The following ZNF639 variants were observed in gnomAD, a reference collection of about 807,000 sequenced individuals.
ZNF639 encodes the protein zinc finger protein 639.
In ZNF639, 20 loss-of-function variants were observed where a neutral mutation model predicts 39.8. The ratio of observed to expected loss-of-function variants is 0.50; its 90% CI spans 0.35 to 0.73. The LOEUF (loss-of-function observed/expected upper bound fraction) is 0.73, where lower values mean the gene tolerates loss of function less well. Ranked by LOEUF, ZNF639 falls within the 30% of genes least tolerant of loss-of-function variation. ZNF639 has a pLI of 0.00. For missense variants in ZNF639, 477 were observed against 566.2 expected, an observed-to-expected ratio of 0.84 and a Z score of 1.60; for synonymous variants, 176 against 189.8, an observed-to-expected ratio of 0.93 and a Z score of 0.60.
Position 179,333,453 on chromosome 3 carries a change from C to G in ZNF639, c.489C>G (p.Leu163=), listed in dbSNP as rs1576993104. 6.2e-7 allele frequency: 1 copy of G among 1,614,058 alleles called. No individual in the cohort carries two copies. Among genetic ancestry groups the G allele is most frequent in the Non-Finnish European group, 8.5e-7 (1 of 1,180,008 alleles). ...IETENNSSES[L]QDQTDEEPPA... ...CAGAAAACAATTCCTCTGAGAGTCT[C>G]CAAGACCAAACTGATGAAGAACCGC... The change falls in exon 6 of 6, where the codon CTC becomes CTG. Residue 163 remains leucine, a synonymous_variant. Transcript: ENST00000496856.
intron 1 of ZNF639, 56 bp downstream of exon 1, chr3:179,323,347 GGCGT>G (rs1727388163): frequency 1.0e-6 from 1 of 985,626 alleles, no homozygotes; most frequent in African/African-American, 1.7e-5. Context: ...AGGGGACGCG[GGCGT>G]GCGGGCGCAT....
At position 179,329,610 on chromosome 3, in the gene ZNF639, A is replaced by G. The variant is rs981178957; in HGVS notation, c.59-8A>G. Reference sequence around the variant, plus strand: ...CTGTACTTGAAATATTTTTCATTTTATGTTCAGATTCCTCTGGAATAAGCA... The same window carrying G: ...CTGTACTTGAAATATTTTTCATTTTGTGTTCAGATTCCTCTGGAATAAGCA... On this transcript the variant is annotated splice_region_variant and splice_polypyrimidine_tract_variant and intron_variant, in intron 3 of 5. Coordinates refer to ENST00000496856, the MANE Select transcript of ZNF639 (RefSeq NM_001303426.2). 1 of 1,532,796 alleles carries G rather than the reference A, an allele frequency of 6.5e-7. No homozygotes were observed. Among genetic ancestry groups the G allele is most frequent in the Non-Finnish European group, 9.0e-7 (1 of 1,114,074 alleles). 94.9% of individuals were successfully genotyped at this position (1,532,796 alleles called of 1,614,324 possible). A position where few individuals can be genotyped will look rare whatever the true frequency, so the allele number is the denominator to read the frequency against.
At position 179,335,605 on chromosome 3, in the gene ZNF639, G is replaced by A. The variant is rs1711505028; in HGVS notation, c.*1183G>A. The stretch of plus-strand genomic sequence containing the variant: ...GTTGCCTACCTAGCAGAAATTTATG[G>A]TCTCACAGTTGTGAAGGCCAGACAT... On this transcript the variant is annotated 3_prime_UTR_variant, in exon 6 of 6. Coordinates refer to ENST00000496856, the MANE Select transcript of ZNF639 (RefSeq NM_001303426.2). 2 of 152,114 alleles carry A rather than the reference G, an allele frequency of 1.3e-5. No individual in the cohort carries two copies. Among genetic ancestry groups the A allele is most frequent in the Admixed American group, 1.3e-4 (2 of 15,268 alleles). The allele number at this position is 152,114 out of a possible 1,614,324, so 9.4% of individuals were successfully genotyped here.
chr3:179,333,068 C>G lies in ZNF639; in HGVS notation c.249C>G (p.Asn83Lys), dbSNP rs1728003905. Reference sequence around the variant, plus strand: ...TCAAGGCCAGAAACAGAAATCAGAACTACCTGGTTCCCAGTCCTGTACTTA... The same window carrying G: ...TCAAGGCCAGAAACAGAAATCAGAAGTACCTGGTTCCCAGTCCTGTACTTA... ...DGIKARNRNQNYLVPSPVLRI... is the reference protein window; with the variant it reads ...DGIKARNRNQKYLVPSPVLRI... Residue 83 changes from asparagine to lysine, a missense_variant, in exon 5 of 6, where the codon AAC becomes AAG. Physicochemically the swap from Asn to Lys is moderately conservative, Grantham distance 94. Coordinates refer to ENST00000496856, the MANE Select transcript of ZNF639 (RefSeq NM_001303426.2). 6.3e-7 allele frequency: 1 copy of G among 1,585,166 alleles called. No homozygotes were observed. The highest frequency in any genetic ancestry group is 2.3e-5 in the East Asian group (1 of 43,426).
At chr3:179,323,403 T>A in intron 1 of ZNF639, 112 bp downstream of exon 1, 1 of 984,244 alleles carries the variant, frequency 1.0e-6, no homozygotes, top group African/African-American at 1.7e-5. Flanking sequence ...GCTCCCTTTA[T>A]ACGGAAACTC....
chr3:179,331,655 A>T (rs904761178), intron 4 of ZNF639, among the ~76,000 whole-genome samples: 15 of 151,760 alleles, frequency 9.9e-5, no homozygotes, highest in African/African-American at 3.6e-4. Flanking sequence ...CGTGCCTGTA[A>T]TCCCAGCTAC....
chr3:179,323,372 G>A (rs1727389447), intron 1 of ZNF639, 81 bp downstream of exon 1: 1 of 985,524 alleles, frequency 1.0e-6, no homozygotes, highest in Non-Finnish European at 1.2e-6. Context: ...CTTCTAACGG[G>A]AGAGGGCGGG....
At chr3:179,329,857 T>A (rs1727804552) in intron 4 of ZNF639, 129 bp downstream of exon 4, 2 of 471,106 alleles carry the variant, frequency 4.2e-6, no homozygotes, top group Non-Finnish European at 7.6e-6. Context: ...TTTGTTACAA[T>A]GTAAGAAAAC....
chr3:179,334,605 G>A lies in ZNF639; in HGVS notation c.*183G>A. 1 of 377,638 alleles carries A rather than the reference G, an allele frequency of 2.6e-6. No homozygotes were observed. The highest frequency in any genetic ancestry group is 4.6e-6 in the Non-Finnish European group (1 of 216,978). The allele number at this position is 377,638 out of a possible 1,614,324, so 23.4% of individuals were successfully genotyped here. A position where few individuals can be genotyped will look rare whatever the true frequency, so the allele number is the denominator to read the frequency against. On this transcript the variant is annotated 3_prime_UTR_variant, in exon 6 of 6. Transcript: ENST00000496856. ...TGTATATAAATATATCTTTAATGTG[G>A]TATTTTCAATTGCGTGATAGTTTGT...
At chr3:179,325,838 G>A (rs1270353630) in intron 1 of ZNF639, among the ~76,000 whole-genome samples, 1 of 151,936 alleles carries the variant, frequency 6.6e-6, no homozygotes, top group African/African-American at 2.4e-5. Flanking sequence ...CCAAGATAGC[G>A]CCACTGCACT....
Position 179,333,321 on chromosome 3 carries a change from A to G in ZNF639, c.357A>G (p.Ser119=). The change falls in exon 6 of 6, where the codon TCA becomes TCG. Residue 119 remains serine, a synonymous_variant. Transcript: ENST00000496856. ...ICDEECDSPE[S]VNQQTQEESP... ...ATGAAGAGTGTGACTCACCTGAATC[A>G]GTCAACCAGCAAACCCAAGAGGAGA... 2 of 1,613,474 alleles carry G rather than the reference A, an allele frequency of 1.2e-6. No homozygotes were observed. The highest frequency in any genetic ancestry group is 1.1e-5 in the South Asian group (1 of 90,814).
rs997919293 is a variant in ZNF639 at position 179,333,807 on chromosome 3, C to T, written c.843C>T (p.Asp281=). Residue 281 remains aspartate, a synonymous_variant, in exon 6 of 6, where the codon GAC becomes GAT. Transcript: ENST00000496856. ...IFENLSQHIA[D]THFSDHLYWC... ...AGAACCTCAGCCAGCACATTGCAGA[C>T]ACCCATTTTAGTGATCACCTCTATT... 1.2e-5 allele frequency: 19 copies of T among 1,614,066 alleles called. No homozygotes were observed. The highest frequency in any genetic ancestry group is 1.5e-5 in the Non-Finnish European group (18 of 1,180,052).
rs1454749048 is a variant in ZNF639, at chr3:179,335,519, A to G, written c.*1097A>G. On this transcript the variant is annotated 3_prime_UTR_variant, in exon 6 of 6. Coordinates refer to ENST00000496856, the MANE Select transcript of ZNF639 (RefSeq NM_001303426.2). Reference sequence around the variant, plus strand: ...TATAACTTACAACATTTATTAATAAAATGATAAATTAGCATCAATATTAGT... The same window carrying G: ...TATAACTTACAACATTTATTAATAAGATGATAAATTAGCATCAATATTAGT... 6.6e-6 allele frequency: 1 copy of G among 152,254 alleles called. No individual in the cohort carries two copies. The highest frequency in any genetic ancestry group is 1.5e-5 in the Non-Finnish European group (1 of 68,048). The allele number at this position is 152,254 out of a possible 1,614,324, so 9.4% of individuals were successfully genotyped here.
intron 4 of ZNF639, among the ~76,000 whole-genome samples, chr3:179,331,517 G>A (rs558298063): frequency 5.3e-5 from 8 of 152,232 alleles, no homozygotes; most frequent in African/African-American, 1.7e-4. Context: ...GGTGGCTCAC[G>A]CCTGTAATCC....
At chr3:179,329,854 C>A in intron 4 of ZNF639, 126 bp downstream of exon 4, 15 of 400,074 alleles carry the variant, frequency 3.7e-5, no homozygotes, top group South Asian at 1.7e-4. Flanking sequence ...AAATTTGTTA[C>A]AATGTAAGAA....
intron 3 of ZNF639, among the ~76,000 whole-genome samples, chr3:179,329,344 A>G (rs1002525974): frequency 1.3e-5 from 2 of 152,074 alleles, no homozygotes; most frequent in Admixed American, 6.5e-5. Flanking sequence ...TTTATCATAT[A>G]TTTTTATTTT....
Position 179,338,184 on chromosome 3 carries a change from T to C in ZNF639, c.*3762T>C, listed in dbSNP as rs901583420. 3 of 152,070 alleles carry C rather than the reference T, an allele frequency of 2.0e-5. No individual in the cohort carries two copies. Among genetic ancestry groups the C allele is most frequent in the Non-Finnish European group, 4.4e-5 (3 of 67,980 alleles). The allele number at this position is 152,070 out of a possible 1,614,324, so 9.4% of individuals were successfully genotyped here. On this transcript the variant is annotated 3_prime_UTR_variant, in exon 6 of 6. Coordinates refer to ENST00000496856, the MANE Select transcript of ZNF639 (RefSeq NM_001303426.2). ...TTCAGAGACAGACATTTTCACTGTA[T>C]ACTTGTGACTTGCACCACAATTCAA...
intron 4 of ZNF639, among the ~76,000 whole-genome samples, chr3:179,331,543 C>T (rs1030736516): frequency 6.6e-6 from 1 of 152,088 alleles, no homozygotes; most frequent in Non-Finnish European, 1.5e-5. Context: ...CTTTGGGAGG[C>T]TGAGGCAGGC....
At position 179,335,577 on chromosome 3, in the gene ZNF639, T is replaced by C. The variant is rs1711504823; in HGVS notation, c.*1155T>C. 1 of 152,172 alleles carries C rather than the reference T, an allele frequency of 6.6e-6. No individual in the cohort carries two copies. Among genetic ancestry groups the C allele is most frequent in the Non-Finnish European group, 1.5e-5 (1 of 68,038 alleles). 9.4% of individuals were successfully genotyped at this position (152,172 alleles called of 1,614,324 possible). On this transcript the variant is annotated 3_prime_UTR_variant, in exon 6 of 6. Coordinates refer to ENST00000496856, the MANE Select transcript of ZNF639 (RefSeq NM_001303426.2). ...GCTGCCATAACAAATTACTACAAACTGAGTTGCCTACCTAGCAGAAATTTA... is the reference window on the plus strand; with the variant it reads ...GCTGCCATAACAAATTACTACAAACCGAGTTGCCTACCTAGCAGAAATTTA...
Sources: gnomAD v4.1 joint callset for allele counts (sites outside exome capture counted in the v4.1 genomes callset) on GRCh38, gnomAD v4.1.1 for gene constraint, MANE v1.5 for transcripts, NCBI Gene and HGNC (gene_info 2026-07-23, HGNC 2026-07-21) for gene names.